Variants in ERBB4 observed in about 807,000 individuals in gnomAD.
ERBB4 encodes the protein receptor tyrosine-protein kinase erbB-4.
Under a neutral mutation model 158.0 loss-of-function variants are expected in ERBB4, and 42 were observed. The observed-to-expected ratio is 0.27, with a 90% CI of 0.21 to 0.34. ERBB4 has a LOEUF of 0.34. Ranked by LOEUF, ERBB4 falls within the 10% of genes least tolerant of loss-of-function variation. ERBB4 has a pLI of 1.00. For missense variants in ERBB4, 1,333 were observed against 1,624.1 expected (o/e 0.82, Z 3.08); for synonymous variants, 583 against 558.7 (o/e 1.04, Z -0.61).
intron 7 of ERBB4, among the ~76,000 whole-genome samples, chr2:211,714,087 A>G (rs2073815994): frequency 6.6e-6 from 1 of 152,248 alleles, no homozygotes; most frequent in African/African-American, 2.4e-5. Context: ...AAAATGCTCA[A>G]AATGTGTTCT....
intron 1 of ERBB4, among the ~76,000 whole-genome samples, chr2:212,152,970 G>A (rs374644326): frequency 3.9e-5 from 6 of 152,244 alleles, no homozygotes; most frequent in African/African-American, 9.6e-5. Context: ...CTAATCTCAC[G>A]GGAACAGGTC....
intron 13 of ERBB4, 108 bp from the exon 14 acceptor site, chr2:211,673,365 G>A (rs2071920209): frequency 1.3e-6 from 1 of 780,822 alleles, no homozygotes; most frequent in East Asian, 2.6e-5. Flanking sequence ...TCTAAAGTTT[G>A]TTTCTCTATG....
chr2:211,751,672 C>G (rs979225840), intron 4 of ERBB4, among the ~76,000 whole-genome samples: 1 of 152,100 alleles, frequency 6.6e-6, no homozygotes, highest in Admixed American at 6.5e-5. Context: ...TAAATATCAT[C>G]AAATAACATC....
intron 1 of ERBB4, among the ~76,000 whole-genome samples, chr2:212,271,708 C>T (rs941056438): frequency 1.3e-5 from 2 of 151,638 alleles, no homozygotes; most frequent in African/African-American, 4.8e-5. Context: ...CTGATAAAAG[C>T]CTGCTCTTTA....
intron 1 of ERBB4, among the ~76,000 whole-genome samples, chr2:212,332,288 A>G (rs561708558): frequency 1.3e-5 from 2 of 152,190 alleles, no homozygotes; most frequent in East Asian, 1.9e-4. Flanking sequence ...CCGCCATGGA[A>G]GAAGTGCCTT....
In ERBB4 at chr2:211,603,004, G is replaced by A. The variant is rs145421322; in HGVS notation, c.2301+16173C>T. ...AGCACTTTGGGAGGCTGAGGTGGGC[G>A]GATCACTAGGTCAAGAAATCAAGAC... is the stretch of plus-strand genomic sequence containing the variant. On this transcript the variant is annotated intron_variant, in intron 19 of 27. Transcript: ENST00000342788. Among the ~76,000 whole-genome samples, 956 of 152,088 alleles carry A rather than the reference G, an allele frequency of 6.3e-3. 11 individuals are homozygous for A. Among genetic ancestry groups the A allele is most frequent in the African/African-American group, 0.02 (829 of 41,454 alleles).
intron 20 of ERBB4, among the ~76,000 whole-genome samples, chr2:211,503,075 T>C (rs1159411936): frequency 6.6e-6 from 1 of 152,108 alleles, no homozygotes; most frequent in Non-Finnish European, 1.5e-5. Flanking sequence ...GAGGAATGGA[T>C]GAATGAAGAA....
intron 20 of ERBB4, among the ~76,000 whole-genome samples, chr2:211,513,352 C>T (rs1413533040): frequency 7.6e-5 from 8 of 104,918 alleles, no homozygotes; most frequent in Non-Finnish European, 1.1e-4. Context: ...AGCGAGACTC[C>T]GTCTCAAAAA....
intron 1 of ERBB4, among the ~76,000 whole-genome samples, chr2:212,411,536 C>A (rs1469132808): frequency 6.6e-6 from 1 of 152,152 alleles, no homozygotes; most frequent in Non-Finnish European, 1.5e-5. Flanking sequence ...CTAGAATATG[C>A]GTCTACCTCT....
At chr2:212,042,077 C>G (rs527708500) in intron 2 of ERBB4, among the ~76,000 whole-genome samples, 2 of 151,960 alleles carry the variant, frequency 1.3e-5, no homozygotes, top group African/African-American at 4.8e-5. Flanking sequence ...TGGTTCTCCC[C>G]CTACCCCACC....
intron 20 of ERBB4, among the ~76,000 whole-genome samples, chr2:211,472,928 ATATT>A (rs200806076): frequency 0.017 from 2,636 of 151,160 alleles, 43 homozygotes; most frequent in Middle Eastern, 0.049. Context: ...ATGATAATTA[ATATT>A]TATTATTATT....
intron 3 of ERBB4, among the ~76,000 whole-genome samples, chr2:211,838,459 T>C (rs1448159065): frequency 6.6e-6 from 1 of 152,158 alleles, no homozygotes; most frequent in East Asian, 1.9e-4. Context: ...ATTACTTAGT[T>C]TATAATTACT....
At chr2:211,388,250 A>G (rs895986216) in intron 25 of ERBB4, among the ~76,000 whole-genome samples, 1 of 152,200 alleles carries the variant, frequency 6.6e-6, no homozygotes, top group African/African-American at 2.4e-5. Flanking sequence ...AAAATTTTTC[A>G]ATGGATTAGA....
intron 20 of ERBB4, among the ~76,000 whole-genome samples, chr2:211,558,760 G>A (rs1013897768): frequency 1.3e-5 from 2 of 151,122 alleles, no homozygotes; most frequent in South Asian, 2.1e-4. Flanking sequence ...TTCTGCTCCC[G>A]AAGTAGAAAA....
chr2:212,484,339 G>C (rs565810979), intron 1 of ERBB4, among the ~76,000 whole-genome samples: 1 of 152,174 alleles, frequency 6.6e-6, no homozygotes, highest in Admixed American at 6.5e-5. Context: ...CAAGTTGCTT[G>C]TATTTTCTCT....
chr2:212,071,651 TA>T (rs1559440846), intron 2 of ERBB4, among the ~76,000 whole-genome samples: 2 of 152,128 alleles, frequency 1.3e-5, no homozygotes, highest in East Asian at 1.9e-4. Flanking sequence ...AAGAATACTT[TA>T]ACAACAGATG....
chr2:212,275,380 C>T (rs1434962762), intron 1 of ERBB4, among the ~76,000 whole-genome samples: 1 of 151,892 alleles, frequency 6.6e-6, no homozygotes, highest in Admixed American at 6.6e-5. Flanking sequence ...CTCATTTAGA[C>T]TCCCACCAAC....
intron 1 of ERBB4, among the ~76,000 whole-genome samples, chr2:212,188,519 C>A (rs1183175581): frequency 9.2e-5 from 14 of 151,842 alleles, no homozygotes; most frequent in Admixed American, 9.2e-4. Flanking sequence ...TGATGGCAGT[C>A]TCCTACATAA....
At chr2:212,367,128 T>C (rs2089918510) in intron 1 of ERBB4, among the ~76,000 whole-genome samples, 1 of 151,962 alleles carries the variant, frequency 6.6e-6, no homozygotes, top group African/African-American at 2.4e-5. Flanking sequence ...AGATCATGTG[T>C]GGACACAGTG....
Sources: gnomAD v4.1 joint callset for allele counts (sites outside exome capture counted in the v4.1 genomes callset) on GRCh38, gnomAD v4.1.1 for gene constraint, MANE v1.5 for transcripts, NCBI Gene and HGNC (gene_info 2026-07-23, HGNC 2026-07-21) for gene names.